PLIN2: variants seen among roughly 807,000 people sequenced by gnomAD.
The protein encoded by PLIN2 is perilipin-2.
A neutral mutation model predicts 30.6 loss-of-function variants in PLIN2; 33 were observed. That is an observed-to-expected ratio of 1.08 (90% CI 0.82 to 1.44). The LOEUF (loss-of-function observed/expected upper bound fraction) is 1.44. Ranked by LOEUF, PLIN2 falls within the 40% of genes most tolerant of loss-of-function variation. PLIN2 has a pLI of 0.00. For missense variants in PLIN2, 610 were observed against 531.8 expected (o/e 1.15, Z -1.45); for synonymous variants, 205 against 201.1 (o/e 1.02, Z -0.16).
chr9:19,122,473 G>T (rs921479545), intron 4 of PLIN2, among the ~76,000 whole-genome samples: 1 of 151,204 alleles, frequency 6.6e-6, no homozygotes, highest in Non-Finnish European at 1.5e-5. Flanking sequence ...CTAGAAGCAA[G>T]CAACAGGCTA....
downstream of PLIN2, among the ~76,000 whole-genome samples, chr9:19,111,296 A>AC (rs1473382301): frequency 1.3e-5 from 2 of 151,282 alleles, no homozygotes. Context: ...TGATCTGCCG[A>AC]CTCGGCCTCC....
downstream of PLIN2, among the ~76,000 whole-genome samples, chr9:19,110,822 A>G (rs1198850232): frequency 6.6e-6 from 1 of 152,192 alleles, no homozygotes; most frequent in Non-Finnish European, 1.5e-5. Flanking sequence ...ACTTTCATAA[A>G]ATCTGTACCA....
At chr9:19,123,262 A>T in intron 4 of PLIN2, 1 of 1,171,398 alleles carries the variant, frequency 8.5e-7, no homozygotes, top group Non-Finnish European at 1.2e-6. Context: ...GCATTTATTT[A>T]ATACCACAAG....
In PLIN2 at chr9:19,125,143, T is replaced by C. The variant is rs540645103; in HGVS notation, c.226+971A>G. 9.1e-4 allele frequency among the ~76,000 whole-genome samples: 138 copies of C among 152,360 alleles called. 1 individual carries two copies. Among genetic ancestry groups the C allele is most frequent in the African/African-American group, 3.0e-3 (125 of 41,588 alleles). On this transcript the variant is annotated intron_variant, in intron 3 of 7. Coordinates refer to ENST00000276914, the MANE Select transcript of PLIN2 (RefSeq NM_001122.4). Reference sequence around the variant, plus strand: ...CATGGAGTATGACATTTCTATTCTTTATTTCGGTAAAATATACATAACAAA... The same window carrying C: ...CATGGAGTATGACATTTCTATTCTTCATTTCGGTAAAATATACATAACAAA...
intron 2 of PLIN2, among the ~76,000 whole-genome samples, chr9:19,109,429 C>CT (rs1278822972): frequency 6.6e-6 from 1 of 151,328 alleles, no homozygotes; most frequent in African/African-American, 2.4e-5. Flanking sequence ...TGGCATGCCC[C>CT]TGTAGCCCCA....
chr9:19,110,403 T>A (rs1818143217), intron 2 of PLIN2, among the ~76,000 whole-genome samples: 1 of 152,232 alleles, frequency 6.6e-6, no homozygotes, highest in South Asian at 2.1e-4. Context: ...ACATTGTGAA[T>A]GTGCTTAATG....
downstream of PLIN2, among the ~76,000 whole-genome samples, chr9:19,115,168 G>A (rs887966663): frequency 3.3e-5 from 5 of 152,136 alleles, no homozygotes; most frequent in African/African-American, 1.2e-4. Flanking sequence ...CACTCACAGG[G>A]GTCCAGTAAG....
intron 3 of PLIN2, among the ~76,000 whole-genome samples, chr9:19,124,868 G>GA (rs1355025383): frequency 6.6e-6 from 1 of 152,172 alleles, no homozygotes; most frequent in East Asian, 1.9e-4. Context: ...TGTCTGTCTA[G>GA]ACAGTAAATT....
downstream of PLIN2, among the ~76,000 whole-genome samples, chr9:19,115,400 C>T (rs188577347): frequency 6.7e-4 from 102 of 151,924 alleles, no homozygotes; most frequent in South Asian, 6.2e-3. Flanking sequence ...CTCTGCCTCC[C>T]GGGTTCACGC....
At position 19,121,160 on chromosome 9, in the gene PLIN2, A is replaced by G; in HGVS notation, c.315T>C (p.Val105=). The G allele has an allele frequency of 6.2e-7, 1 of 1,613,796 alleles. No individual in the cohort carries two copies. The highest frequency in any genetic ancestry group is 8.5e-7 in the Non-Finnish European group (1 of 1,179,822). ...PILNQPSTQI[V]ANAKGAVTGA... is the part of the protein sequence containing the mutation. ...CAGTCACAGCGCCTTTGGCATTGGC[A>G]ACAATCTGTAAGTAGAAAAGCAGAT... Residue 105 remains valine (V), a synonymous_variant, in exon 5 of 8, where the codon GTT becomes GTC. Coordinates refer to ENST00000276914, the MANE Select transcript of PLIN2 (RefSeq NM_001122.4).
At chr9:19,117,788 T>G (rs1238087952) in intron 7 of PLIN2, among the ~76,000 whole-genome samples, 7 of 152,060 alleles carry the variant, frequency 4.6e-5, no homozygotes. Flanking sequence ...TGGCTCATTT[T>G]TTGTATTTTT....
intron 7 of PLIN2, 53 bp downstream of exon 7, chr9:19,118,268 G>C (rs1246042362): frequency 3.3e-6 from 5 of 1,512,366 alleles, no homozygotes; most frequent in Non-Finnish European, 4.5e-6. Context: ...GAAATGAAAA[G>C]TCTGATAAGA....
At position 19,126,167 on chromosome 9, in the gene PLIN2, G is replaced by T; in HGVS notation, c.173C>A (p.Thr58Asn). ...CAGAGCACTGGTCATGGCCACGGAG[G>T]TGATGGTCTTCACACCGTTCTCTGC... ...EMAENGVKTI[T>N]SVAMTSALPI... The change falls in exon 3 of 8, where the codon ACC becomes AAC. Residue 58 changes from threonine (T) to asparagine (N), a missense_variant. Physicochemically the swap from Thr to Asn is moderately conservative, Grantham distance 65 (BLOSUM62 0). Transcript: ENST00000276914. 2 of 1,614,128 alleles carry T rather than the reference G, an allele frequency of 1.2e-6. No individual in the cohort carries two copies. Among genetic ancestry groups the T allele is most frequent in the Non-Finnish European group, 8.5e-7 (1 of 1,180,024 alleles).
intron 2 of PLIN2, among the ~76,000 whole-genome samples, chr9:19,110,435 A>G (rs992057387): frequency 6.6e-6 from 1 of 152,162 alleles, no homozygotes; most frequent in African/African-American, 2.4e-5. Context: ...TACACTTAAA[A>G]ATTGAAAAAA....
chr9:19,126,614 G>C (rs1818405016), intron 1 of PLIN2, among the ~76,000 whole-genome samples, 166 bp from the exon 2 acceptor site: 1 of 152,092 alleles, frequency 6.6e-6, no homozygotes. Context: ...CCTCCTGAAA[G>C]ACCCACACCC....
chr9:19,110,248 G>A lies in PLIN2; in HGVS notation n.418-1501C>T, dbSNP rs546407842. On this transcript the variant is annotated intron_variant and non_coding_transcript_variant, in intron 2 of 2. Coordinates refer to the PLIN2 transcript ENST00000464326. ...TCACCATGTTGGCCAGGCTGGTCTC[G>A]AACTCCTGACCTCAAGTGGTCCAAC... is the stretch of plus-strand genomic sequence containing the variant. 4.6e-5 allele frequency among the ~76,000 whole-genome samples: 7 copies of A among 151,970 alleles called. No individual in the cohort carries two copies. In the South Asian group the frequency reaches 8.3e-4, roughly 18 times the overall value.
chr9:19,118,223 G>C, intron 7 of PLIN2, 98 bp downstream of exon 7: 1 of 1,189,852 alleles, frequency 8.4e-7, no homozygotes, highest in Non-Finnish European at 1.2e-6. Flanking sequence ...CCTTTTGATA[G>C]AGAAGAGTAT....
intron 5 of PLIN2, among the ~76,000 whole-genome samples, chr9:19,120,144 A>G (rs1485139673): frequency 6.6e-6 from 1 of 151,498 alleles, no homozygotes; most frequent in Non-Finnish European, 1.5e-5. Flanking sequence ...CTGCAGCCTC[A>G]ACCTCCCGAG....
intron 3 of PLIN2, 39 bp from the exon 4 acceptor site, chr9:19,123,686 AG>A: frequency 1.3e-6 from 2 of 1,541,686 alleles, no homozygotes; most frequent in Non-Finnish European, 1.8e-6. Context: ...GTAGTACTAT[AG>A]GTATAGAATG....
Sources: gnomAD v4.1 joint callset for allele counts (sites outside exome capture counted in the v4.1 genomes callset) on GRCh38, gnomAD v4.1.1 for gene constraint, MANE v1.5 for transcripts, NCBI Gene and HGNC (gene_info 2026-07-23, HGNC 2026-07-21) for gene names.